CAPZB: variants seen among roughly 807,000 people sequenced by gnomAD.
The protein encoded by CAPZB is capping actin protein of muscle Z-line subunit beta, also known as F-actin-capping protein subunit beta.
A neutral mutation model predicts 38.1 loss-of-function variants in CAPZB; 2 were observed. The ratio of observed to expected loss-of-function variants is 0.05; its 90% CI spans 0.02 to 0.17. The LOEUF (loss-of-function observed/expected upper bound fraction) is 0.17. CAPZB is among the 10% of genes least tolerant of loss of function. CAPZB has a pLI of 1.00. For synonymous variants in CAPZB, 107 were observed against 127.4 expected, an observed-to-expected ratio of 0.84 and a Z score of 1.08; for missense variants, 161 against 334.2, an observed-to-expected ratio of 0.48 and a Z score of 4.04.
At chr1:19,422,322 C>G (rs2094404366) in intron 1 of CAPZB, among the ~76,000 whole-genome samples, 2 of 152,236 alleles carry the variant, frequency 1.3e-5, no homozygotes, top group African/African-American at 4.8e-5. Flanking sequence ...CAAAGAATCA[C>G]CCGGCCCAAA....
intron 4 of CAPZB, among the ~76,000 whole-genome samples, chr1:19,368,433 C>G (rs1189350966): frequency 6.6e-6 from 1 of 150,596 alleles, no homozygotes; most frequent in African/African-American, 2.4e-5. Flanking sequence ...TCACTTGAGG[C>G]CAGGAGTTTG....
rs1001060061 is a variant in CAPZB, at chr1:19,484,255, G to C, written c.3+1181C>G. 2.5e-6 allele frequency: 4 copies of C among 1,612,360 alleles called. No homozygotes were observed. In the African/African-American group the frequency reaches 5.3e-5, roughly 22 times the overall value. On this transcript the variant is annotated intron_variant, in intron 1 of 8. Transcript: ENST00000264202. ...GCAAGCTGACAGTTCAGAGGGAAGG[G>C]GAGGCTGCGCCTGCTTGGGTGCATC...
chr1:19,393,609 G>A (rs1397968656), intron 2 of CAPZB, among the ~76,000 whole-genome samples: 1 of 152,232 alleles, frequency 6.6e-6, no homozygotes, highest in African/African-American at 2.4e-5. Flanking sequence ...TCAACAAGGC[G>A]AGCTGCCCCC....
intron 4 of CAPZB, among the ~76,000 whole-genome samples, chr1:19,359,210 C>CTTTTTT (rs57251931): frequency 1.2e-4 from 14 of 114,406 alleles, no homozygotes; most frequent in South Asian, 3.0e-4. Flanking sequence ...TCTCTGTACT[C>CTTTTTT]TTTTTTTTTT....
chr1:19,361,865 T>C (rs1422396125), intron 4 of CAPZB, among the ~76,000 whole-genome samples: 1 of 152,128 alleles, frequency 6.6e-6, no homozygotes. Context: ...ATGAGTCAAA[T>C]AGTATTAATA....
rs1558273077 is a variant in CAPZB at position 19,450,165 on chromosome 1, A to AAAAG, written c.4-30416_4-30415insCTTT. On this transcript the variant is annotated intron_variant, in intron 1 of 8. Transcript: ENST00000264202. Reference sequence around the variant, plus strand: ...TCTCCAAAAAAAAAAAAAAAAAAAAAAAAAGAAAAGAAAAGAAAAGAAGAA... The same window carrying AAAAG: ...TCTCCAAAAAAAAAAAAAAAAAAAAAAAAGAAAAGAAAAGAAAAGAAAAGAAGAA... Among the ~76,000 whole-genome samples the AAAAG allele has an allele frequency of 5.5e-4, 71 of 128,200 alleles. 1 individual carries two copies. Among genetic ancestry groups the AAAAG allele is most frequent in the African/African-American group, 2.2e-3 (68 of 31,232 alleles). The allele number at this position is 128,200 out of a possible 152,430, so 84.1% of individuals were successfully genotyped here.
intron 6 of CAPZB, among the ~76,000 whole-genome samples, chr1:19,352,562 G>A (rs922804937): frequency 4.6e-5 from 7 of 151,990 alleles, no homozygotes; most frequent in Non-Finnish European, 4.4e-5. Context: ...ACCTTTTTTC[G>A]CTTGCTCTAC....
intron 1 of CAPZB, among the ~76,000 whole-genome samples, chr1:19,447,715 G>A (rs2094501387): frequency 2.0e-5 from 3 of 152,170 alleles, no homozygotes; most frequent in Admixed American, 1.3e-4. Flanking sequence ...GCAGCACCCT[G>A]GGAGCTGGTG....
intron 8 of CAPZB, 104 bp downstream of exon 8, chr1:19,344,254 C>A: frequency 1.2e-6 from 1 of 864,624 alleles, no homozygotes; most frequent in South Asian, 1.4e-5. Context: ...CTGCAGCCTA[C>A]CAATGAGGAC....
intron 1 of CAPZB, among the ~76,000 whole-genome samples, chr1:19,473,657 A>G (rs1232502578): frequency 6.6e-6 from 1 of 152,198 alleles, no homozygotes; most frequent in Non-Finnish European, 1.5e-5. Flanking sequence ...TGAGGTCAGG[A>G]GTTCGAGACC....
intron 1 of CAPZB, among the ~76,000 whole-genome samples, chr1:19,421,248 C>T (rs904653983): frequency 2.0e-5 from 3 of 152,232 alleles, no homozygotes; most frequent in African/African-American, 7.2e-5. Context: ...ACCGTTTACA[C>T]TCCAGGTCTG....
chr1:19,344,818 G>A (rs942493600), intron 7 of CAPZB, among the ~76,000 whole-genome samples: 1 of 152,212 alleles, frequency 6.6e-6, no homozygotes, highest in African/African-American at 2.4e-5. Context: ...CAAGGCAGCC[G>A]CAACTGAAGC....
chr1:19,431,839 G>A (rs2094442787), intron 1 of CAPZB, among the ~76,000 whole-genome samples: 1 of 152,022 alleles, frequency 6.6e-6, no homozygotes, highest in Non-Finnish European at 1.5e-5. Context: ...CACTTTGGGA[G>A]GCAGAGGTAG....
intron 1 of CAPZB, chr1:19,424,516 A>C (rs1341296777): frequency 1.3e-5 from 2 of 152,498 alleles, no homozygotes. Flanking sequence ...TGGCATCAAT[A>C]TGGTGACTTC....
intron 1 of CAPZB, among the ~76,000 whole-genome samples, chr1:19,467,097 T>G (rs1369395578): frequency 6.6e-6 from 1 of 152,062 alleles, no homozygotes; most frequent in Non-Finnish European, 1.5e-5. Flanking sequence ...AGATTGGGTC[T>G]CACTATGTTG....
chr1:19,383,309 G>A (rs185349760), intron 3 of CAPZB, among the ~76,000 whole-genome samples: 48 of 152,034 alleles, frequency 3.2e-4, no homozygotes, highest in Non-Finnish European at 5.7e-4. Context: ...AGCTGGGAGC[G>A]ATGGCGTACA....
At chr1:19,432,559 C>T (rs1209057416) in intron 1 of CAPZB, among the ~76,000 whole-genome samples, 4 of 152,160 alleles carry the variant, frequency 2.6e-5, no homozygotes, top group South Asian at 2.1e-4. Context: ...CAATTTCAAA[C>T]GCAAAAGGGA....
intron 1 of CAPZB, chr1:19,484,516 C>A: frequency 7.4e-7 from 1 of 1,348,912 alleles, no homozygotes; most frequent in Non-Finnish European, 9.6e-7. Context: ...TCTGGGCACA[C>A]CGATGCCCGC....
intron 1 of CAPZB, among the ~76,000 whole-genome samples, chr1:19,427,972 G>T (rs4912092): frequency 2.0e-5 from 3 of 152,108 alleles, no homozygotes; most frequent in African/African-American, 7.2e-5. Flanking sequence ...TCTGACCATA[G>T]AGACAAACAC....
Sources: allele counts gnomAD v4.1 joint callset (sites outside exome capture counted in the v4.1 genomes callset), GRCh38; gene constraint gnomAD v4.1.1; transcripts MANE v1.5; gene names NCBI Gene and HGNC (gene_info 2026-07-23, HGNC 2026-07-21).